Variants in LARS2 observed in about 807,000 individuals in gnomAD.
LARS2 encodes leucyl-tRNA synthetase 2, mitochondrial, also known as leucine--tRNA ligase, mitochondrial.
In LARS2, 81 loss-of-function variants were observed where a neutral mutation model predicts 116.6. That is an observed-to-expected ratio of 0.69 (90% CI 0.58 to 0.84). The LOEUF is 0.84. Ranked by LOEUF, LARS2 falls within the 40% of genes least tolerant of loss-of-function variation. The pLI, the probability that LARS2 is intolerant of heterozygous loss-of-function variation, is 0.00. For synonymous variants in LARS2, 396 were observed against 407.2 expected (o/e 0.97, Z 0.33); for missense variants, 968 against 1,114.5 (o/e 0.87, Z 1.87).
chr3:45,470,468 A>G (rs548547760), intron 8 of LARS2, among the ~76,000 whole-genome samples: 3 of 152,216 alleles, frequency 2.0e-5, no homozygotes, highest in Admixed American at 6.5e-5. Context: ...TTCTGTTTCA[A>G]TTTCTTCAAA....
chr3:45,530,683 T>C (rs999616850), intron 20 of LARS2, among the ~76,000 whole-genome samples: 1 of 152,240 alleles, frequency 6.6e-6, no homozygotes, highest in Non-Finnish European at 1.5e-5. Flanking sequence ...AGACTCTTGA[T>C]ATATATTAAC....
At chr3:45,490,978 A>G (rs373638174) in intron 12 of LARS2, among the ~76,000 whole-genome samples, 1 of 152,340 alleles carries the variant, frequency 6.6e-6, no homozygotes, top group South Asian at 2.1e-4. Flanking sequence ...GCTTGCCTGA[A>G]TTCCTTCTGC....
chr3:45,404,676 A>C (rs1458248640), intron 4 of LARS2, among the ~76,000 whole-genome samples: 3 of 152,194 alleles, frequency 2.0e-5, no homozygotes, highest in African/African-American at 7.2e-5. Context: ...GAACAGCATT[A>C]TCTCTGCCTC....
chr3:45,406,032 A>C (rs147462868), intron 4 of LARS2, among the ~76,000 whole-genome samples: 1 of 151,628 alleles, frequency 6.6e-6, no homozygotes, highest in Non-Finnish European at 1.5e-5. Context: ...AGCTCCAATG[A>C]CCCCCACCTA....
Position 45,530,203 on chromosome 3 carries a change from G to GT in LARS2, c.2404+6102dup, listed in dbSNP as rs549377174. 2.0e-4 allele frequency among the ~76,000 whole-genome samples: 31 copies of GT among 152,140 alleles called. No individual in the cohort carries two copies. The East Asian group carries it at 4.6e-3, about 23-fold the overall frequency. ...TTTGTTTGTTTGCTTGTTTGTTTTT[G>GT]TTTTTTTAACATATAAACTTTTAAA... On this transcript the variant is annotated intron_variant, in intron 20 of 21. Transcript: ENST00000645846.
intron 14 of LARS2, among the ~76,000 whole-genome samples, chr3:45,498,931 A>G (rs1700068325): frequency 6.6e-6 from 1 of 152,252 alleles, no homozygotes; most frequent in South Asian, 2.1e-4. Context: ...TCAGTAAGCA[A>G]TATACAGTCT....
chr3:45,542,963 G>A (rs1211856494), intron 21 of LARS2, among the ~76,000 whole-genome samples: 1 of 152,258 alleles, frequency 6.6e-6, no homozygotes, highest in African/African-American at 2.4e-5. Context: ...TAGGGGCTGA[G>A]GGAGGGCATA....
chr3:45,506,393 C>T (rs1366583210), intron 15 of LARS2, among the ~76,000 whole-genome samples: 2 of 152,056 alleles, frequency 1.3e-5, no homozygotes, highest in Non-Finnish European at 2.9e-5. Context: ...ATTTGGAATT[C>T]TACAGTCAGA....
At chr3:45,408,441 G>C (rs13088781) in intron 4 of LARS2, among the ~76,000 whole-genome samples, 16,598 of 152,324 alleles carry the variant, frequency 0.11, 1,205 homozygotes, top group Middle Eastern at 0.18. Flanking sequence ...GCGTTCTTGT[G>C]CTGGTCCTTG....
At chr3:45,456,640 G>A (rs1255534551) in intron 7 of LARS2, among the ~76,000 whole-genome samples, 1 of 152,138 alleles carries the variant, frequency 6.6e-6, no homozygotes, top group Non-Finnish European at 1.5e-5. Flanking sequence ...AATACAGGCA[G>A]GGATAATAGA....
intron 4 of LARS2, among the ~76,000 whole-genome samples, chr3:45,412,607 T>C (rs862736): frequency 0.022 from 3,352 of 152,318 alleles, 149 homozygotes; most frequent in African/African-American, 0.077. Context: ...CAGCCTATTC[T>C]GATTGACCTC....
At chr3:45,507,785 C>T (rs1363413884) in intron 15 of LARS2, among the ~76,000 whole-genome samples, 1 of 152,064 alleles carries the variant, frequency 6.6e-6, no homozygotes, top group Non-Finnish European at 1.5e-5. Context: ...CATGTTAACA[C>T]TAGCTATCTC....
chr3:45,479,941 G>A (rs952259662), intron 10 of LARS2, among the ~76,000 whole-genome samples: 3 of 152,154 alleles, frequency 2.0e-5, no homozygotes, highest in Non-Finnish European at 4.4e-5. Context: ...GGACAACTTG[G>A]AACTCTGTTG....
intron 20 of LARS2, among the ~76,000 whole-genome samples, chr3:45,529,611 A>T (rs1208897747): frequency 6.6e-6 from 1 of 152,198 alleles, no homozygotes; most frequent in East Asian, 1.9e-4. Flanking sequence ...TCCTAAGAAC[A>T]CATAACTAAC....
intron 7 of LARS2, among the ~76,000 whole-genome samples, chr3:45,458,408 C>T (rs1699249306): frequency 6.6e-6 from 1 of 152,112 alleles, no homozygotes; most frequent in African/African-American, 2.4e-5. Flanking sequence ...GAGTACTCAC[C>T]TAGGTCAGGC....
chr3:45,492,453 AT>A (rs1294067737), intron 13 of LARS2, among the ~76,000 whole-genome samples: 1 of 152,142 alleles, frequency 6.6e-6, no homozygotes, highest in Non-Finnish European at 1.5e-5. Context: ...CGGAGAAGCC[AT>A]TTTTCTCTGC....
chr3:45,485,503 G>T (rs9842998), intron 10 of LARS2, among the ~76,000 whole-genome samples, 189 bp from the exon 11 acceptor site: 71 of 152,240 alleles, frequency 4.7e-4, no homozygotes, highest in Middle Eastern at 3.4e-3. Flanking sequence ...TTTCATGTGC[G>T]TATTTAATCT....
intron 4 of LARS2, among the ~76,000 whole-genome samples, chr3:45,404,125 G>C (rs1164581755): frequency 1.3e-5 from 2 of 151,948 alleles, no homozygotes; most frequent in African/African-American, 4.8e-5. Context: ...TTTGCTTATG[G>C]TTGAAACCAC....
intron 4 of LARS2, among the ~76,000 whole-genome samples, chr3:45,410,405 A>T (rs1172859625): frequency 6.6e-6 from 1 of 151,676 alleles, no homozygotes; most frequent in Non-Finnish European, 1.5e-5. Context: ...TCATCTATGG[A>T]TCAAGCAATA....
Sources: gnomAD v4.1 joint callset for allele counts (sites outside exome capture counted in the v4.1 genomes callset) on GRCh38, gnomAD v4.1.1 for gene constraint, MANE v1.5 for transcripts, NCBI Gene and HGNC (gene_info 2026-07-23, HGNC 2026-07-21) for gene names.